The following ADGRL2 variants were observed in gnomAD, a reference collection of about 807,000 sequenced individuals.
ADGRL2 encodes adhesion G protein-coupled receptor L2.
A neutral mutation model predicts 157.4 loss-of-function variants in ADGRL2; 44 were observed. That is an observed-to-expected ratio of 0.28 (90% confidence interval 0.22 to 0.36). ADGRL2 has a LOEUF of 0.36. ADGRL2 is among the 10% of genes least tolerant of loss of function. The pLI is 1.00. For synonymous variants in ADGRL2, 585 were observed against 624.7 expected (o/e 0.94, Z 0.95); for missense variants, 1,510 against 1,768.9 (o/e 0.85, Z 2.63).
At chr1:81,852,166 A>G (rs2093036895) in intron 2 of ADGRL2, among the ~76,000 whole-genome samples, 1 of 152,052 alleles carries the variant, frequency 6.6e-6, no homozygotes, top group Non-Finnish European at 1.5e-5. Context: ...AACAATAGTG[A>G]TATCTCTCAA....
chr1:81,811,580 G>A (rs2089876270), intron 1 of ADGRL2, among the ~76,000 whole-genome samples: 1 of 151,508 alleles, frequency 6.6e-6, no homozygotes, highest in African/African-American at 2.4e-5. Flanking sequence ...AAGGAATATG[G>A]CAGAAGAGCA....
intron 1 of ADGRL2, among the ~76,000 whole-genome samples, chr1:81,406,033 G>A (rs996653117): frequency 4.6e-5 from 7 of 152,112 alleles, no homozygotes; most frequent in African/African-American, 1.7e-4. Flanking sequence ...GAAAAAGTTT[G>A]AGAAGAGACT....
At chr1:81,311,600 T>G (rs1160979297) in intron 1 of ADGRL2, among the ~76,000 whole-genome samples, 1 of 152,192 alleles carries the variant, frequency 6.6e-6, no homozygotes, top group African/African-American at 2.4e-5. Flanking sequence ...ATGTTATATA[T>G]TTTTTAAAAT....
intron 2 of ADGRL2, among the ~76,000 whole-genome samples, chr1:81,906,343 G>T (rs2094584337): frequency 6.6e-6 from 1 of 152,102 alleles, no homozygotes; most frequent in Admixed American, 6.5e-5. Context: ...TACTGCTTTG[G>T]AAGAATATAC....
intron 1 of ADGRL2, among the ~76,000 whole-genome samples, chr1:81,753,505 T>C (rs1222076533): frequency 6.6e-6 from 1 of 152,094 alleles, no homozygotes; most frequent in Non-Finnish European, 1.5e-5. Flanking sequence ...CAAACATAGG[T>C]AAAATGAGAG....
chr1:81,754,974 A>G (rs1400018609), intron 1 of ADGRL2, among the ~76,000 whole-genome samples: 1 of 151,862 alleles, frequency 6.6e-6, no homozygotes, highest in Admixed American at 6.6e-5. Context: ...TAAGGAACAA[A>G]GGTGAAAATA....
chr1:81,787,907 T>A (rs1011288908), intron 2 of ADGRL2, among the ~76,000 whole-genome samples: 4 of 152,188 alleles, frequency 2.6e-5, no homozygotes, highest in Non-Finnish European at 5.9e-5. Flanking sequence ...CATATGTATA[T>A]TGACAGTATA....
At chr1:81,956,533 C>T (rs1474270723) in intron 11 of ADGRL2, among the ~76,000 whole-genome samples, 1 of 152,100 alleles carries the variant, frequency 6.6e-6, no homozygotes, top group African/African-American at 2.4e-5. Flanking sequence ...CAGTGAATTA[C>T]ATCTCCCACA....
chr1:81,783,379 C>T (rs1233024271), intron 2 of ADGRL2, among the ~76,000 whole-genome samples: 7 of 152,116 alleles, frequency 4.6e-5, no homozygotes, highest in Non-Finnish European at 1.0e-4. Flanking sequence ...ATCCACCCAT[C>T]TCGGCCTCTC....
chr1:81,850,803 T>C (rs960727743), intron 2 of ADGRL2, among the ~76,000 whole-genome samples: 4 of 148,546 alleles, frequency 2.7e-5, no homozygotes, highest in African/African-American at 1.0e-4. Context: ...GGTACTTCTT[T>C]CCTGTAAGGC....
intron 2 of ADGRL2, among the ~76,000 whole-genome samples, chr1:81,500,446 C>T (rs1254254635): frequency 6.6e-6 from 1 of 152,160 alleles, no homozygotes; most frequent in Non-Finnish European, 1.5e-5. Context: ...GTGGTATATA[C>T]ATACAAAGGA....
intron 2 of ADGRL2, among the ~76,000 whole-genome samples, chr1:81,568,298 C>T (rs1191488128): frequency 6.6e-6 from 1 of 152,034 alleles, no homozygotes; most frequent in Non-Finnish European, 1.5e-5. Context: ...ATGATTAGAA[C>T]CTCAAGGAGG....
At chr1:81,508,140 C>T (rs183003647) in intron 2 of ADGRL2, among the ~76,000 whole-genome samples, 18 of 152,302 alleles carry the variant, frequency 1.2e-4, no homozygotes, top group Admixed American at 9.8e-4. Context: ...CACATGGAAT[C>T]ACTGAAATAA....
chr1:81,719,664 A>G (rs1406242464), intron 1 of ADGRL2, among the ~76,000 whole-genome samples: 1 of 151,528 alleles, frequency 6.6e-6, no homozygotes, highest in East Asian at 1.9e-4. Context: ...TCTTCCACAT[A>G]TTTCTGGAAT....
intron 1 of ADGRL2, among the ~76,000 whole-genome samples, chr1:81,383,316 T>G (rs2076374644): frequency 6.6e-6 from 1 of 152,196 alleles, no homozygotes; most frequent in Non-Finnish European, 1.5e-5. Flanking sequence ...CAAAATTTGC[T>G]TTAAATTAGC....
intron 2 of ADGRL2, among the ~76,000 whole-genome samples, chr1:81,885,413 C>G (rs184409862): frequency 7.2e-5 from 11 of 152,294 alleles, no homozygotes; most frequent in African/African-American, 2.6e-4. Context: ...GTAAAAACTT[C>G]CCATAAACAC....
At chr1:81,796,440 G>C (rs909618621), upstream of ADGRL2, among the ~76,000 whole-genome samples, 3 of 152,132 alleles carry the variant, frequency 2.0e-5, no homozygotes, top group Admixed American at 1.3e-4. Flanking sequence ...ATTGATAAAA[G>C]ACCTATAAGA....
At position 81,478,600 on chromosome 1, in the gene ADGRL2, T is replaced by C. The variant is rs1020043207; in HGVS notation, c.-248+33511T>C. ...TCGCTGGTGTTTAAGCCTTAAGCAA[T>C]TCCCAGCAAATACATTCAAGGCTCC... is the stretch of plus-strand genomic sequence containing the variant. On this transcript the variant is annotated intron_variant, in intron 2 of 24. Coordinates refer to the ADGRL2 transcript ENST00000370721. Among the ~76,000 whole-genome samples the C allele has an allele frequency of 2.6e-5, 4 of 152,184 alleles. No individual in the cohort carries two copies. The South Asian group carries it at 8.3e-4, about 32-fold the overall frequency.
chr1:81,682,478 G>A (rs1489864176), intron 3 of ADGRL2, among the ~76,000 whole-genome samples: 1 of 152,146 alleles, frequency 6.6e-6, no homozygotes, highest in Non-Finnish European at 1.5e-5. Context: ...CCTACTGTGT[G>A]TGTCTCTTTG....
Sources: gnomAD v4.1 joint callset for allele counts (sites outside exome capture counted in the v4.1 genomes callset) on GRCh38, gnomAD v4.1.1 for gene constraint, MANE v1.5 for transcripts, NCBI Gene and HGNC (gene_info 2026-07-23, HGNC 2026-07-21) for gene names.